LRMDA: variants seen among roughly 807,000 people sequenced by gnomAD.
LRMDA encodes the protein leucine-rich melanocyte differentiation-associated protein.
A neutral mutation model predicts 29.8 loss-of-function variants in LRMDA; 18 were observed. The ratio of observed to expected loss-of-function variants is 0.60; its 90% CI spans 0.42 to 0.90. The LOEUF (loss-of-function observed/expected upper bound fraction) is 0.90. Ranked by LOEUF, LRMDA falls within the 40% of genes least tolerant of loss-of-function variation. The pLI is 0.00. For missense variants in LRMDA, 273 were observed against 273.9 expected (o/e 1.00, Z 0.02); for synonymous variants, 125 against 109.4 (o/e 1.14, Z -0.89).
intron 2 of LRMDA, among the ~76,000 whole-genome samples, chr10:75,631,395 C>T (rs1166303426): frequency 1.3e-5 from 2 of 151,014 alleles, no homozygotes; most frequent in African/African-American, 2.5e-5. Flanking sequence ...GGCAGTGAAC[C>T]TCACTGCACC....
At chr10:75,728,678 T>G (rs1306108520) in intron 2 of LRMDA, among the ~76,000 whole-genome samples, 1 of 152,172 alleles carries the variant, frequency 6.6e-6, no homozygotes, top group African/African-American at 2.4e-5. Context: ...ATGGGAACCA[T>G]GAACTCGATC....
At chr10:75,842,745 G>A (rs1844562925) in intron 2 of LRMDA, among the ~76,000 whole-genome samples, 1 of 152,074 alleles carries the variant, frequency 6.6e-6, no homozygotes, top group Non-Finnish European at 1.5e-5. Context: ...AGGTGGAAAA[G>A]GGTGGGGCAT....
intron 6 of LRMDA, among the ~76,000 whole-genome samples, chr10:76,432,291 T>C (rs1172922981): frequency 1.3e-5 from 2 of 152,174 alleles, no homozygotes; most frequent in Non-Finnish European, 2.9e-5. Context: ...CACAGAGCCC[T>C]GAGCTGTAGG....
At chr10:75,505,960 T>C (rs567762239) in intron 2 of LRMDA, among the ~76,000 whole-genome samples, 3 of 152,314 alleles carry the variant, frequency 2.0e-5, no homozygotes, top group African/African-American at 7.2e-5. Context: ...CCTCTTGTAG[T>C]AGCACCTAAA....
chr10:76,136,266 G>T (rs943834132), intron 5 of LRMDA, among the ~76,000 whole-genome samples: 5 of 152,146 alleles, frequency 3.3e-5, no homozygotes, highest in Non-Finnish European at 7.3e-5. Flanking sequence ...CTCAGAGTGT[G>T]GCCATTTATA....
At chr10:75,489,069 A>G (rs1264878664) in intron 2 of LRMDA, among the ~76,000 whole-genome samples, 3 of 152,170 alleles carry the variant, frequency 2.0e-5, no homozygotes, top group Admixed American at 6.5e-5. Flanking sequence ...CCAAAGGAGC[A>G]TGTAATGCCT....
rs534438709 is a variant in LRMDA, at chr10:76,261,221, C to T, written c.517-63180C>T. 2.5e-4 allele frequency among the ~76,000 whole-genome samples: 38 copies of T among 151,826 alleles called. 1 individual carries two copies. The highest frequency in any genetic ancestry group is 1.9e-3 in the South Asian group (9 of 4,808). On this transcript the variant is annotated intron_variant, in intron 5 of 6. Transcript: ENST00000611255. ...CTGGGACTACAGGCGCCTGCCACCA[C>T]GCCCGGATAATTTTTTTTTTTCTGT...
At chr10:76,214,558 A>T (rs1851695803) in intron 5 of LRMDA, among the ~76,000 whole-genome samples, 1 of 151,694 alleles carries the variant, frequency 6.6e-6, no homozygotes, top group Non-Finnish European at 1.5e-5. Flanking sequence ...GTTAGCCAGG[A>T]TGGTCTCGAT....
At chr10:75,518,856 T>A (rs977307143) in intron 2 of LRMDA, among the ~76,000 whole-genome samples, 2 of 152,250 alleles carry the variant, frequency 1.3e-5, no homozygotes, top group Admixed American at 1.3e-4. Flanking sequence ...TAAATTTCCC[T>A]CTACACACTG....
chr10:76,048,682 T>TG (rs1181210255), intron 4 of LRMDA, among the ~76,000 whole-genome samples: 10 of 152,204 alleles, frequency 6.6e-5, no homozygotes, highest in African/African-American at 2.4e-4. Context: ...CAACAGTCCA[T>TG]AGGTGTTTCT....
At chr10:75,906,038 G>T (rs1845753481) in intron 2 of LRMDA, among the ~76,000 whole-genome samples, 1 of 151,318 alleles carries the variant, frequency 6.6e-6, no homozygotes, top group Admixed American at 6.6e-5. Flanking sequence ...CCTCATCCTA[G>T]ATGCTCCCAG....
intron 2 of LRMDA, among the ~76,000 whole-genome samples, chr10:75,732,188 T>C (rs1394073900): frequency 1.3e-5 from 2 of 152,128 alleles, no homozygotes; most frequent in Non-Finnish European, 2.9e-5. Context: ...ATGGAATCCT[T>C]TAGTAGATGG....
intron 6 of LRMDA, among the ~76,000 whole-genome samples, chr10:76,540,141 A>G (rs1487942085): frequency 1.4e-5 from 2 of 146,098 alleles, no homozygotes; most frequent in African/African-American, 2.6e-5. Context: ...AAACACCTAC[A>G]TGCCCATATT....
At chr10:76,463,292 G>T (rs1270040281) in intron 6 of LRMDA, among the ~76,000 whole-genome samples, 1 of 152,214 alleles carries the variant, frequency 6.6e-6, no homozygotes, top group African/African-American at 2.4e-5. Flanking sequence ...GAAATGAGAT[G>T]CAAGTGGGAC....
intron 5 of LRMDA, among the ~76,000 whole-genome samples, chr10:76,152,116 A>G (rs1898105): frequency 8.5e-4 from 129 of 152,292 alleles, no homozygotes; most frequent in African/African-American, 2.9e-3. Flanking sequence ...CCACTATTCA[A>G]TCAAAAACAT....
chr10:75,994,676 T>C (rs1847429497), intron 2 of LRMDA, among the ~76,000 whole-genome samples: 1 of 152,240 alleles, frequency 6.6e-6, no homozygotes, highest in African/African-American at 2.4e-5. Flanking sequence ...TCTTCAGGGC[T>C]GTTCTACCTA....
chr10:75,759,549 A>T (rs1166517157), intron 2 of LRMDA, among the ~76,000 whole-genome samples: 1 of 152,212 alleles, frequency 6.6e-6, no homozygotes, highest in Admixed American at 6.5e-5. Context: ...TGTCTTGTAA[A>T]TGGCTTTCTT....
intron 2 of LRMDA, among the ~76,000 whole-genome samples, chr10:75,734,861 C>T (rs766666632): frequency 6.6e-6 from 1 of 152,192 alleles, no homozygotes; most frequent in Non-Finnish European, 1.5e-5. Context: ...GTTATTTGCT[C>T]AGATTCCACA....
chr10:75,442,492 C>T lies in LRMDA; in HGVS notation c.131+3998C>T, dbSNP rs935116273. ...ACATATGGATATCCAGTTTTTCTAA[C>T]ACCATTTATTGAAGAGACTGTTCTT... is the stretch of plus-strand genomic sequence containing the variant. On this transcript the variant is annotated intron_variant, in intron 2 of 6. Coordinates refer to ENST00000611255, the MANE Select transcript of LRMDA (RefSeq NM_001305581.2). Among the ~76,000 whole-genome samples, 7 of 152,268 alleles carry T rather than the reference C, an allele frequency of 4.6e-5. No individual in the cohort carries two copies. In the East Asian group the frequency reaches 1.4e-3, roughly 29 times the overall value.
Sources: gnomAD v4.1 joint callset for allele counts (sites outside exome capture counted in the v4.1 genomes callset) on GRCh38, gnomAD v4.1.1 for gene constraint, MANE v1.5 for transcripts, NCBI Gene and HGNC (gene_info 2026-07-23, HGNC 2026-07-21) for gene names.